UNK: variants seen among roughly 807,000 people sequenced by gnomAD.
The protein encoded by UNK is RING finger protein unkempt homolog.
Under a neutral mutation model 97.6 loss-of-function variants are expected in UNK, and 32 were observed. The ratio of observed to expected loss-of-function variants is 0.33; its 90% CI spans 0.25 to 0.44. The LOEUF (loss-of-function observed/expected upper bound fraction) is 0.44, where lower values mean the gene tolerates loss of function less well. Among genes scored for constraint, UNK ranks in the 20% least tolerant of loss-of-function variants. UNK has a pLI of 1.00. For synonymous variants in UNK, 441 were observed against 461.2 expected (o/e 0.96, Z 0.56); for missense variants, 771 against 1,098.4 (o/e 0.70, Z 4.21).
intron 1 of UNK, among the ~76,000 whole-genome samples, chr17:75,796,278 C>T (rs943025649): frequency 4.0e-5 from 6 of 150,592 alleles, no homozygotes; most frequent in Non-Finnish European, 4.4e-5. Context: ...AGCCACATCT[C>T]TATAGCTGTG....
intron 5 of UNK, among the ~76,000 whole-genome samples, chr17:75,813,489 A>G (rs1470974174): frequency 6.6e-6 from 1 of 152,228 alleles, no homozygotes; most frequent in Non-Finnish European, 1.5e-5. Flanking sequence ...ACCAGGCCAC[A>G]GCGTGGACAG....
At chr17:75,786,279 G>C (rs2061710040) in intron 1 of UNK, among the ~76,000 whole-genome samples, 1 of 152,186 alleles carries the variant, frequency 6.6e-6, no homozygotes, top group Admixed American at 6.5e-5. Flanking sequence ...CTGATGAGTT[G>C]AATGGTGTAG....
chr17:75,795,583 G>A (rs1378186098), intron 1 of UNK, among the ~76,000 whole-genome samples: 1 of 152,102 alleles, frequency 6.6e-6, no homozygotes, highest in East Asian at 1.9e-4. Flanking sequence ...CGAGTGATCT[G>A]CCCGTCTTGA....
chr17:75,822,533 C>T lies in UNK; in HGVS notation c.1894C>T (p.Pro632Ser). The T allele has an allele frequency of 6.2e-7, 1 of 1,613,740 alleles. No individual in the cohort carries two copies. Among genetic ancestry groups the T allele is most frequent in the Non-Finnish European group, 8.5e-7 (1 of 1,179,838 alleles). The change falls in exon 14 of 16, where the codon CCG (proline) becomes TCG (serine). Residue 632 changes from proline to serine, a missense_variant. Pro to Ser is a moderately conservative substitution (Grantham distance 74). Coordinates refer to ENST00000589666, the MANE Select transcript of UNK (RefSeq NM_001080419.3). Reference protein sequence around the residue: ...WEHFASGSFSPGTSPAFLSGP... With the variant: ...WEHFASGSFSSGTSPAFLSGP... ...GCATTTTGCCTCTGGAAGCTTCTCC[C>T]CGGGCACTTCCCCCGCTTTCCTATC...
intron 1 of UNK, among the ~76,000 whole-genome samples, chr17:75,805,571 A>G (rs1244147659): frequency 6.6e-6 from 1 of 151,708 alleles, no homozygotes; most frequent in African/African-American, 2.4e-5. Context: ...AAAGCAGGGG[A>G]GGATTACTTG....
In UNK at chr17:75,812,271, C is replaced by T; in HGVS notation, c.474C>T (p.Ser158=). Residue 158 remains serine, a synonymous_variant, in exon 3 of 16, where the codon TCC becomes TCT. Transcript: ENST00000589666. The part of the protein sequence containing the change: ...AFAHGPHDLR[S]PVYDIRELQA... ...CCCACGGGCCCCATGACCTCCGCTCCCCTGTCTACGACATCAGGTGGGCTG... is the reference window on the plus strand; with the variant it reads ...CCCACGGGCCCCATGACCTCCGCTCTCCTGTCTACGACATCAGGTGGGCTG... 6.2e-7 allele frequency: 1 copy of T among 1,612,462 alleles called. No individual in the cohort carries two copies. Among genetic ancestry groups the T allele is most frequent in the South Asian group, 1.1e-5 (1 of 90,912 alleles).
Position 75,817,581 on chromosome 17 carries a change from G to A in UNK, c.1305+55G>A, listed in dbSNP as rs753572252. ...TAGCCTTCTCCTGCGTGGGGCAAGA[G>A]AATCTTGGAGGAGTGTCTTGGTCCA... On this transcript the variant is annotated intron_variant, in intron 9 of 15. Transcript: ENST00000589666. The surrounding 1 kb of genome is among the most constrained non-coding windows in gnomAD (Gnocchi z 5.8). 3.8e-5 allele frequency: 57 copies of A among 1,502,338 alleles called. No individual in the cohort carries two copies. Among genetic ancestry groups the A allele is most frequent in the Non-Finnish European group, 5.1e-5 (57 of 1,114,812 alleles). The allele number at this position is 1,502,338 out of a possible 1,614,324, so 93.1% of individuals were successfully genotyped here. A position where few individuals can be genotyped will look rare whatever the true frequency, so the allele number is the denominator to read the frequency against.
chr17:75,801,734 G>A (rs1358827918), intron 1 of UNK, among the ~76,000 whole-genome samples: 6 of 151,858 alleles, frequency 4.0e-5, no homozygotes, highest in South Asian at 4.1e-4. Flanking sequence ...TAGTAGAGAC[G>A]GGGTTTCACC....
At chr17:75,790,714 T>G (rs1296422984) in intron 1 of UNK, among the ~76,000 whole-genome samples, 1 of 152,064 alleles carries the variant, frequency 6.6e-6, no homozygotes, top group Non-Finnish European at 1.5e-5. Flanking sequence ...GTGGATCACT[T>G]GAGGTCAGGA....
At chr17:75,792,574 A>G in intron 1 of UNK, 1 of 769,512 alleles carries the variant, frequency 1.3e-6, no homozygotes, top group Non-Finnish European at 1.6e-6. Context: ...CCTCTGGACA[A>G]TGTAGCTTCT....
intron 1 of UNK, chr17:75,793,656 C>A: frequency 1.0e-6 from 1 of 985,330 alleles, no homozygotes; most frequent in Non-Finnish European, 1.2e-6. Context: ...TGTTTCCTCC[C>A]CTTCCTTATT....
At chr17:75,805,867 T>C (rs550623848) in intron 1 of UNK, among the ~76,000 whole-genome samples, 1 of 149,972 alleles carries the variant, frequency 6.7e-6, no homozygotes, top group East Asian at 2.0e-4. Flanking sequence ...GTATGTATTA[T>C]AGAATCAGAA....
At chr17:75,793,676 C>G in intron 1 of UNK, 2 of 985,374 alleles carry the variant, frequency 2.0e-6, no homozygotes, top group Non-Finnish European at 2.4e-6. Context: ...TCTTTATTCA[C>G]AGTTTGCTTT....
At chr17:75,802,752 A>G (rs916463458) in intron 1 of UNK, among the ~76,000 whole-genome samples, 11 of 152,202 alleles carry the variant, frequency 7.2e-5, no homozygotes, top group African/African-American at 2.7e-4. Flanking sequence ...GATAAAACAC[A>G]TTTTTGTTTG....
chr17:75,823,578 T>C (rs1026937899), intron 15 of UNK, 56 bp downstream of exon 15: 3 of 1,476,552 alleles, frequency 2.0e-6, no homozygotes, highest in Middle Eastern at 4.0e-4. Context: ...AGCCAGCTCT[T>C]GGACTCTGAC....
chr17:75,817,586 T>A lies in UNK; in HGVS notation c.1305+60T>A. ...TTCTCCTGCGTGGGGCAAGAGAATCTTGGAGGAGTGTCTTGGTCCAGCTAC... is the reference window on the plus strand; with the variant it reads ...TTCTCCTGCGTGGGGCAAGAGAATCATGGAGGAGTGTCTTGGTCCAGCTAC... On this transcript the variant is annotated intron_variant, in intron 9 of 15. Coordinates refer to ENST00000589666, the MANE Select transcript of UNK (RefSeq NM_001080419.3). The surrounding 1 kb of genome is among the most constrained non-coding windows in gnomAD (Gnocchi z 5.8). 2.7e-6 allele frequency: 4 copies of A among 1,490,594 alleles called. No homozygotes were observed. The highest frequency in any genetic ancestry group is 2.6e-5 in the South Asian group (2 of 77,196). 92.3% of individuals were successfully genotyped at this position (1,490,594 alleles called of 1,614,324 possible).
At chr17:75,820,367 T>C (rs546668085) in intron 13 of UNK, among the ~76,000 whole-genome samples, 1 of 152,296 alleles carries the variant, frequency 6.6e-6, no homozygotes, top group South Asian at 2.1e-4. Flanking sequence ...AATGGAGTAA[T>C]GGGGCTGAAG....
intron 15 of UNK, 145 bp downstream of exon 15, chr17:75,823,667 C>T: frequency 8.1e-7 from 1 of 1,236,004 alleles, no homozygotes; most frequent in Non-Finnish European, 1.1e-6. Flanking sequence ...AAAGGCCGGC[C>T]TGCTGGGAAT....
chr17:75,795,408 C>A (rs2061796929), intron 1 of UNK, among the ~76,000 whole-genome samples: 2 of 152,038 alleles, frequency 1.3e-5, no homozygotes, highest in South Asian at 4.1e-4. Flanking sequence ...GGTGTGATCT[C>A]CGCTCACTGC....
Sources: allele counts gnomAD v4.1 joint callset (sites outside exome capture counted in the v4.1 genomes callset), GRCh38; gene constraint gnomAD v4.1.1; non-coding constraint Gnocchi (gnomAD v3.1); transcripts MANE v1.5; gene names NCBI Gene and HGNC (gene_info 2026-07-23, HGNC 2026-07-21).